The following GADL1 variants were observed in gnomAD, a reference collection of about 807,000 sequenced individuals.
GADL1 encodes the protein acidic amino acid decarboxylase GADL1.
Under a neutral mutation model 69.5 loss-of-function variants are expected in GADL1, and 71 were observed. The ratio of observed to expected loss-of-function variants is 1.02; its 90% CI spans 0.84 to 1.25. The LOEUF is 1.25. GADL1 is among the 50% of genes most tolerant of loss of function. The probability of loss-of-function intolerance (pLI) is 0.00; values close to 1 mark genes in which losing one functional copy is unlikely to be tolerated. For synonymous variants in GADL1, 254 were observed against 214.4 expected (o/e 1.18, Z -1.62); for missense variants, 737 against 631.8 (o/e 1.17, Z -1.79).
intron 4 of GADL1, among the ~76,000 whole-genome samples, chr3:30,854,240 C>T (rs1698192800): frequency 6.6e-6 from 1 of 152,154 alleles, no homozygotes; most frequent in African/African-American, 2.4e-5. Flanking sequence ...GAAAAATTGT[C>T]CCATTCATAT....
intron 1 of GADL1, among the ~76,000 whole-genome samples, chr3:30,889,841 A>T (rs1437878886): frequency 1.3e-5 from 2 of 152,224 alleles, no homozygotes; most frequent in African/African-American, 4.8e-5. Flanking sequence ...TATATTTCTT[A>T]TACTGCATTC....
intron 2 of GADL1, among the ~76,000 whole-genome samples, chr3:30,860,839 T>C (rs1055005128): frequency 6.6e-6 from 1 of 152,110 alleles, no homozygotes; most frequent in Non-Finnish European, 1.5e-5. Flanking sequence ...GTCCCGGCTC[T>C]GATACTTGTG....
chr3:30,857,567 A>G (rs1235428627), intron 2 of GADL1, among the ~76,000 whole-genome samples: 1 of 152,022 alleles, frequency 6.6e-6, no homozygotes, highest in Admixed American at 6.6e-5. Context: ...GGAAATAAAC[A>G]GGAATGCTGA....
chr3:30,852,176 A>G (rs1200380945), intron 4 of GADL1, among the ~76,000 whole-genome samples: 4 of 152,112 alleles, frequency 2.6e-5, no homozygotes, highest in Non-Finnish European at 4.4e-5. Context: ...ACTATTTATC[A>G]CCTACATATG....
At chr3:30,831,331 G>A (rs1005925541) in intron 11 of GADL1, among the ~76,000 whole-genome samples, 3 of 151,754 alleles carry the variant, frequency 2.0e-5, no homozygotes, top group Non-Finnish European at 2.9e-5. Context: ...TAAAAAGGGC[G>A]TTCCTTTCTT....
At chr3:30,876,183 C>G (rs764278810) in intron 1 of GADL1, among the ~76,000 whole-genome samples, 1 of 152,014 alleles carries the variant, frequency 6.6e-6, no homozygotes, top group Non-Finnish European at 1.5e-5. Context: ...CTAACATCCC[C>G]GTTTTATAAA....
At chr3:30,847,257 T>C (rs1317905648) in intron 6 of GADL1, among the ~76,000 whole-genome samples, 1 of 152,194 alleles carries the variant, frequency 6.6e-6, no homozygotes, top group Non-Finnish European at 1.5e-5. Flanking sequence ...CAGGTCTTTA[T>C]CAATAGTAAA....
At chr3:30,735,848 T>A (rs1695534799) in intron 14 of GADL1, among the ~76,000 whole-genome samples, 1 of 152,164 alleles carries the variant, frequency 6.6e-6, no homozygotes, top group Non-Finnish European at 1.5e-5. Context: ...GGGAACTGCA[T>A]GGCTCAAAGA....
At chr3:30,771,518 TTTTC>T (rs1160669507) in intron 14 of GADL1, among the ~76,000 whole-genome samples, 2 of 152,228 alleles carry the variant, frequency 1.3e-5, no homozygotes, top group African/African-American at 4.8e-5. Flanking sequence ...TTTAGAGCTA[TTTTC>T]TTTAAAAGGC....
chr3:30,842,441 G>A (rs1484249092), intron 8 of GADL1, among the ~76,000 whole-genome samples: 1 of 151,886 alleles, frequency 6.6e-6, no homozygotes, highest in Non-Finnish European at 1.5e-5. Flanking sequence ...GGTATATGAA[G>A]CCTCATGATA....
At position 30,801,055 on chromosome 3, in the gene GADL1, A is replaced by C; in HGVS notation, c.1084T>G (p.Ser362Ala). 4.3e-6 allele frequency: 7 copies of C among 1,613,896 alleles called. No individual in the cohort carries two copies. Among genetic ancestry groups the C allele is most frequent in the Non-Finnish European group, 5.1e-6 (6 of 1,179,872 alleles). ...LLKKCYSAKA[S>A]YLFQQDKFYD... is the part of the protein sequence containing the mutation. Reference sequence around the variant, plus strand: ...AATTTATCCTGCTGGAAGAGGTAAGATGCCTTGGCAGAGTAGCATTTTTTA... The same window carrying C: ...AATTTATCCTGCTGGAAGAGGTAAGCTGCCTTGGCAGAGTAGCATTTTTTA... The change falls in exon 12 of 15, where the codon TCT (serine) becomes GCT (alanine). Residue 362 changes from serine to alanine, a missense_variant. Physicochemically the swap from Ser to Ala is moderately conservative, Grantham distance 99. Coordinates refer to ENST00000282538, the MANE Select transcript of GADL1 (RefSeq NM_207359.3).
At position 30,762,884 on chromosome 3, in the gene GADL1, T is replaced by G. The variant is rs139307030; in HGVS notation, c.1392+15295A>C. Among the ~76,000 whole-genome samples the G allele has an allele frequency of 5.0e-3, 765 of 152,250 alleles. 7 individuals carry two copies. Among genetic ancestry groups the G allele is most frequent in the African/African-American group, 0.018 (737 of 41,498 alleles). ...CTTTATTTCACTTAACATTACAATC[T>G]CCAGTTCATCCATGTTTCAAATGAC... On this transcript the variant is annotated intron_variant, in intron 14 of 14. Transcript: ENST00000282538.
intron 1 of GADL1, among the ~76,000 whole-genome samples, chr3:30,894,256 G>A (rs1461449074): frequency 3.3e-5 from 5 of 152,190 alleles, no homozygotes; most frequent in Admixed American, 2.6e-4. Context: ...TTTTTACAGG[G>A]CAGGTACTTC....
chr3:30,730,565 G>C lies in GADL1; in HGVS notation c.1393-2150C>G, dbSNP rs547454280. On this transcript the variant is annotated intron_variant, in intron 14 of 14. Transcript: ENST00000282538. Reference sequence around the variant, plus strand: ...ACAGTGGAGGGCCCTCTCATCATCAGACCTCTACTTAAGAAAAGTTTCACT... The same window carrying C: ...ACAGTGGAGGGCCCTCTCATCATCACACCTCTACTTAAGAAAAGTTTCACT... Among the ~76,000 whole-genome samples the C allele has an allele frequency of 2.0e-5, 3 of 152,188 alleles. No homozygotes were observed. In the East Asian group the frequency reaches 5.8e-4, roughly 29 times the overall value.
At chr3:30,798,305 G>A (rs1042867339) in intron 12 of GADL1, 1 of 152,618 alleles carries the variant, frequency 6.6e-6, no homozygotes, top group East Asian at 1.9e-4. Flanking sequence ...AGGTTTAATT[G>A]AACTTATAGT....
chr3:30,815,130 G>A (rs999819348), intron 11 of GADL1, among the ~76,000 whole-genome samples: 1 of 152,032 alleles, frequency 6.6e-6, no homozygotes, highest in Non-Finnish European at 1.5e-5. Flanking sequence ...CATAGAGAAT[G>A]GCATTTGAAA....
rs372168907 is a variant in GADL1 at position 30,821,295 on chromosome 3, G to A, written c.1050+12558C>T. Among the ~76,000 whole-genome samples the A allele has an allele frequency of 9.2e-5, 14 of 151,902 alleles. No homozygotes were observed. The East Asian group carries it at 9.7e-4, about 11-fold the overall frequency. ...GTATACATATGTAACTAACCTGCAC[G>A]TTGTGCACATGTACCCTAAAACTTA... On this transcript the variant is annotated intron_variant, in intron 11 of 14. Coordinates refer to ENST00000282538, the MANE Select transcript of GADL1 (RefSeq NM_207359.3).
intron 13 of GADL1, among the ~76,000 whole-genome samples, chr3:30,779,859 C>G (rs73061080): frequency 0.06 from 9,154 of 152,220 alleles, 518 homozygotes; most frequent in South Asian, 0.22. Context: ...GTGGTCCAAT[C>G]TTAGACTTTG....
chr3:30,754,044 AT>A (rs1575185525), intron 14 of GADL1, among the ~76,000 whole-genome samples: 1 of 152,178 alleles, frequency 6.6e-6, no homozygotes, highest in Non-Finnish European at 1.5e-5. Flanking sequence ...TGTATTCTAT[AT>A]TTTCCACCTT....
Sources: gnomAD v4.1 joint callset for allele counts (sites outside exome capture counted in the v4.1 genomes callset) on GRCh38, gnomAD v4.1.1 for gene constraint, MANE v1.5 for transcripts, NCBI Gene and HGNC (gene_info 2026-07-23, HGNC 2026-07-21) for gene names.